The following DMD variants were observed in gnomAD, a reference collection of about 807,000 sequenced individuals.
The protein encoded by DMD is mutant dystrophin.
Under a neutral mutation model 330.1 loss-of-function variants are expected in DMD, and 63 were observed. The observed-to-expected ratio is 0.19, with a 90% CI of 0.16 to 0.24. DMD has a LOEUF of 0.24. Ranked by LOEUF, DMD falls within the 10% of genes least tolerant of loss-of-function variation. The probability of loss-of-function intolerance (pLI) is 1.00; values close to 1 mark genes in which losing one functional copy is unlikely to be tolerated. For synonymous variants in DMD, 1,223 were observed against 959.8 expected, an observed-to-expected ratio of 1.27 and a Z score of -5.07; for missense variants, 3,344 against 2,684.1, an observed-to-expected ratio of 1.25 and a Z score of -5.43.
At chrX:32,556,382 C>A (rs1771468739) in intron 16 of DMD, among the ~76,000 whole-genome samples, 1 of 111,122 alleles carries the variant, frequency 9.0e-6, no homozygotes, top group African/African-American at 3.3e-5. Context: ...TAAATTAGTT[C>A]AACCCTTGTG....
chrX:31,721,718 C>CTCTCTCTA (rs1227959078), intron 52 of DMD, among the ~76,000 whole-genome samples: 66 of 56,454 alleles, frequency 1.2e-3, no homozygotes, highest in Middle Eastern at 0.011. Flanking sequence ...CTCTCTCTCT[C>CTCTCTCTA]TATATATATA....
At chrX:32,935,273 C>A (rs995209699) in intron 2 of DMD, among the ~76,000 whole-genome samples, 1 of 112,660 alleles carries the variant, frequency 8.9e-6, no homozygotes, top group Non-Finnish European at 1.9e-5. Flanking sequence ...CCACCGCGCC[C>A]GGCCTCCCTG....
chrX:31,143,948 G>A (rs1192926482), intron 76 of DMD, among the ~76,000 whole-genome samples: 5 of 112,210 alleles, frequency 4.5e-5, no homozygotes, highest in Admixed American at 1.9e-4. Context: ...TGTTTTTCAT[G>A]TAGTGTGTTG....
At chrX:32,173,975 G>T (rs2096897349) in intron 44 of DMD, among the ~76,000 whole-genome samples, 1 of 111,915 alleles carries the variant, frequency 8.9e-6, no homozygotes, top group South Asian at 3.7e-4. Flanking sequence ...ATGTTAAAAA[G>T]GTAAATAAGT....
intron 44 of DMD, among the ~76,000 whole-genome samples, chrX:32,172,353 G>T (rs2096890651): frequency 8.9e-6 from 1 of 111,858 alleles, no homozygotes; most frequent in African/African-American, 3.2e-5. Context: ...ATGTTATAAG[G>T]CATTTTGTGT....
chrX:31,650,213 G>A (rs1396882606), intron 54 of DMD, among the ~76,000 whole-genome samples: 10 of 30,317 alleles, frequency 3.3e-4, no homozygotes, highest in Middle Eastern at 0.02. Context: ...CCCCCACCTC[G>A]GCCTCCCAAA....
rs1219124009 is a variant in DMD at position 32,591,931 on chromosome X, G to A, written c.1602+3826C>T. On this transcript the variant is annotated intron_variant, in intron 13 of 78. Transcript: ENST00000357033. ...AAAGTTGCGGCCAAGACCAGGTGTTGTCGCAACCTGACTGGTTATGTGTGT... is the reference window on the plus strand; with the variant it reads ...AAAGTTGCGGCCAAGACCAGGTGTTATCGCAACCTGACTGGTTATGTGTGT... Among the ~76,000 whole-genome samples the A allele has an allele frequency of 4.4e-5, 5 of 112,902 alleles. No individual in the cohort carries two copies. In the Admixed American group the frequency reaches 4.6e-4, roughly 10 times the overall value.
At chrX:31,375,211 C>T (rs926766647) in intron 60 of DMD, among the ~76,000 whole-genome samples, 4 of 112,095 alleles carry the variant, frequency 3.6e-5, no homozygotes, top group Non-Finnish European at 7.5e-5. Context: ...AGTCTTCACC[C>T]ATTTGATTTA....
chrX:32,859,103 G>A (rs1276613280), intron 2 of DMD, among the ~76,000 whole-genome samples: 3 of 111,277 alleles, frequency 2.7e-5, no homozygotes, highest in African/African-American at 9.8e-5. Context: ...AATAAATATA[G>A]ATTGATTTTT....
intron 1 of DMD, among the ~76,000 whole-genome samples, chrX:33,079,802 C>T (rs2094899659): frequency 9.0e-6 from 1 of 111,631 alleles, no homozygotes; most frequent in Non-Finnish European, 1.9e-5. Flanking sequence ...ACTCCAAAAT[C>T]TTAAAAGAAA....
intron 7 of DMD, among the ~76,000 whole-genome samples, chrX:32,701,068 T>C (rs1211298659): frequency 8.9e-6 from 1 of 112,273 alleles, no homozygotes. Flanking sequence ...ATTCTTAATG[T>C]ACATATGAAT....
chrX:32,693,366 A>G (rs1453575856), intron 9 of DMD, among the ~76,000 whole-genome samples: 1 of 112,196 alleles, frequency 8.9e-6, no homozygotes, highest in East Asian at 2.8e-4. Context: ...TCGAACTAAT[A>G]CATATAGACA....
intron 62 of DMD, among the ~76,000 whole-genome samples, chrX:31,298,115 T>C (rs941802135): frequency 1.8e-5 from 2 of 111,901 alleles, no homozygotes; most frequent in African/African-American, 6.5e-5. Flanking sequence ...TTACATGTAA[T>C]GGAGAAGACT....
intron 1 of DMD, among the ~76,000 whole-genome samples, chrX:33,145,060 A>AT (rs1221739099): frequency 1.8e-5 from 2 of 111,921 alleles, no homozygotes; most frequent in Non-Finnish European, 3.8e-5. Flanking sequence ...GAACAGCAAT[A>AT]TTTTTTATAT....
intron 9 of DMD, among the ~76,000 whole-genome samples, chrX:32,685,643 T>A (rs1480547749): frequency 8.9e-6 from 1 of 111,796 alleles, no homozygotes. Context: ...TTTAAATAAG[T>A]TACCTAATAG....
At chrX:32,312,959 A>AAAAAAAAAAAAAAAAAAAAAAAAAAAAC in intron 41 of DMD, among the ~76,000 whole-genome samples, 1 of 94,409 alleles carries the variant, frequency 1.1e-5, no homozygotes, top group South Asian at 5.9e-4. Flanking sequence ...AAAAAAAAAA[A>AAAAAAAAAAAAAAAAAAAAAAAAAAAAC]AAAAAGCCCA....
rs890805237 is a variant in DMD, at chrX:32,031,638, T to C, written c.6439-63124A>G. Among the ~76,000 whole-genome samples, 7 of 112,208 alleles carry C rather than the reference T, an allele frequency of 6.2e-5. 1 individual carries two copies. The highest frequency in any genetic ancestry group is 2.3e-4 in the African/African-American group (7 of 30,945). On this transcript the variant is annotated intron_variant, in intron 44 of 78. Transcript: ENST00000357033. ...AAAAAGAAGGCAAAAGAAGAAATAC[T>C]CTTTAAGCAATCTCATGTAGTAATA...
At chrX:32,795,059 GTTA>G (rs1419714311) in intron 7 of DMD, among the ~76,000 whole-genome samples, 1 of 112,039 alleles carries the variant, frequency 8.9e-6, no homozygotes, top group African/African-American at 3.2e-5. Context: ...AAGAATTAAT[GTTA>G]TTAACATGAT....
chrX:31,227,057 T>C (rs191066759), intron 63 of DMD, among the ~76,000 whole-genome samples: 426 of 111,455 alleles, frequency 3.8e-3, no homozygotes, highest in Non-Finnish European at 5.5e-3. Context: ...TTTCTAATCC[T>C]CCTTCTCCAC....
Sources: allele counts gnomAD v4.1 joint callset (sites outside exome capture counted in the v4.1 genomes callset), GRCh38; gene constraint gnomAD v4.1.1; transcripts MANE v1.5; gene names NCBI Gene and HGNC (gene_info 2026-07-23, HGNC 2026-07-21).